LSMEM2: variants seen among roughly 807,000 people sequenced by gnomAD.
The protein encoded by LSMEM2 is leucine rich single-pass membrane protein 2, also known as leucine-rich single-pass membrane protein 2.
Under a neutral mutation model 17.3 loss-of-function variants are expected in LSMEM2, and 20 were observed. That is an observed-to-expected ratio of 1.16 (90% CI 0.81 to 1.68). The LOEUF is 1.68. Among genes scored for constraint, LSMEM2 ranks in the 40% most tolerant of loss-of-function variants. The pLI, the probability that LSMEM2 is intolerant of heterozygous loss-of-function variation, is 0.00. For missense variants in LSMEM2, 207 were observed against 214.3 expected, an observed-to-expected ratio of 0.97 and a Z score of 0.21; for synonymous variants, 94 against 97.8, an observed-to-expected ratio of 0.96 and a Z score of 0.23.
At chr3:50,281,058 A>T (rs996047510) in intron 1 of LSMEM2, among the ~76,000 whole-genome samples, 8 of 142,336 alleles carry the variant, frequency 5.6e-5, no homozygotes, top group South Asian at 2.2e-4. Context: ...AAAGAGGGAA[A>T]TTTTTTTTTT....
upstream of LSMEM2, among the ~76,000 whole-genome samples, chr3:50,278,565 ATG>A (rs200922483): frequency 0.1 from 15,893 of 152,206 alleles, 905 homozygotes; most frequent in African/African-American, 0.12. Flanking sequence ...ACTGGCCAGC[ATG>A]GGTGCTGTTG....
Position 50,287,449 on chromosome 3 carries a change from A to AGCCTCCTGGC in LSMEM2, c.*248_*257dup, listed in dbSNP as rs1553708792. 1.8e-6 allele frequency: 1 copy of AGCCTCCTGGC among 562,524 alleles called. No individual in the cohort carries two copies. The allele number at this position is 562,524 out of a possible 1,614,324, so 34.8% of individuals were successfully genotyped here. A position where few individuals can be genotyped will look rare whatever the true frequency, so the allele number is the denominator to read the frequency against. Reference sequence around the variant, plus strand: ...GCCCAAGGTCAGGGGAAGGGGCACCAGCCTCCTGGCTCCTCCTGTGGCCTG... The same window carrying AGCCTCCTGGC: ...GCCCAAGGTCAGGGGAAGGGGCACCAGCCTCCTGGCGCCTCCTGGCTCCTCCTGTGGCCTG... On this transcript the variant is annotated 3_prime_UTR_variant, in exon 4 of 4. Coordinates refer to ENST00000316436, the MANE Select transcript of LSMEM2 (RefSeq NM_153215.3).
intron 1 of LSMEM2, among the ~76,000 whole-genome samples, chr3:50,283,202 G>A (rs1234762482): frequency 3.3e-5 from 5 of 149,426 alleles, no homozygotes; most frequent in African/African-American, 7.4e-5. Context: ...ACAAACAAAC[G>A]AAACACCGGC....
Position 50,287,445 on chromosome 3 carries a change from CA to C in LSMEM2, c.*244del, listed in dbSNP as rs1575488929. On this transcript the variant is annotated 3_prime_UTR_variant, in exon 4 of 4. Coordinates refer to ENST00000316436, the MANE Select transcript of LSMEM2 (RefSeq NM_153215.3). ...GGTGGCCCAAGGTCAGGGGAAGGGG[CA>C]CCAGCCTCCTGGCTCCTCCTGTGGC... 7 of 568,040 alleles carry C rather than the reference CA, an allele frequency of 1.2e-5. No individual in the cohort carries two copies. The East Asian group carries it at 2.2e-4, about 17-fold the overall frequency. 35.2% of individuals were successfully genotyped at this position (568,040 alleles called of 1,614,324 possible).
intron 1 of LSMEM2, among the ~76,000 whole-genome samples, chr3:50,285,156 A>AC (rs1225070630): frequency 6.6e-6 from 1 of 151,654 alleles, no homozygotes. Flanking sequence ...AGATGGTGAA[A>AC]CCCCATCTCC....
At chr3:50,286,942 G>GTAAC (rs1193961424) in intron 3 of LSMEM2, 80 bp downstream of exon 3, 18 of 1,584,924 alleles carry the variant, frequency 1.1e-5, no homozygotes, top group Non-Finnish European at 1.5e-5. Context: ...GCTGGAAGGA[G>GTAAC]TAACTGCAGA....
intron 1 of LSMEM2, among the ~76,000 whole-genome samples, chr3:50,283,298 C>T (rs1701440513): frequency 2.6e-5 from 4 of 151,976 alleles, no homozygotes; most frequent in Non-Finnish European, 5.9e-5. Context: ...TCAAGACCAG[C>T]CTGGCCAAGA....
intron 1 of LSMEM2, among the ~76,000 whole-genome samples, chr3:50,284,545 C>T (rs1315380970): frequency 1.3e-5 from 2 of 151,920 alleles, no homozygotes; most frequent in African/African-American, 4.8e-5. Flanking sequence ...GCCTGGGCAA[C>T]ATAGTAAAAC....
At chr3:50,282,581 G>C (rs782264751) in intron 1 of LSMEM2, among the ~76,000 whole-genome samples, 1 of 152,126 alleles carries the variant, frequency 6.6e-6, no homozygotes, top group Non-Finnish European at 1.5e-5. Context: ...AGAACAACTA[G>C]AAGAAAATAT....
At chr3:50,283,463 T>TA (rs1212000971) in intron 1 of LSMEM2, among the ~76,000 whole-genome samples, 2 of 151,286 alleles carry the variant, frequency 1.3e-5, no homozygotes, top group Non-Finnish European at 2.9e-5. Context: ...CCATCTCTAC[T>TA]AAAAATACAA....
upstream of LSMEM2, among the ~76,000 whole-genome samples, chr3:50,278,830 G>C (rs1701329719): frequency 6.6e-6 from 1 of 152,176 alleles, no homozygotes; most frequent in Admixed American, 6.5e-5. Flanking sequence ...TGCTGAGCCT[G>C]GAGTGGCCAT....
chr3:50,281,357 G>A (rs1701391456), intron 1 of LSMEM2, among the ~76,000 whole-genome samples: 1 of 139,956 alleles, frequency 7.1e-6, no homozygotes, highest in Non-Finnish European at 1.5e-5. Context: ...ACTGCGCCCG[G>A]CCCTTTTTTT....
chr3:50,281,331 A>G (rs1236309876), intron 1 of LSMEM2, among the ~76,000 whole-genome samples: 92 of 140,932 alleles, frequency 6.5e-4, no homozygotes, highest in Non-Finnish European at 8.2e-4. Context: ...AAGTGCTGGG[A>G]TTACAGGCAT....
intron 1 of LSMEM2, among the ~76,000 whole-genome samples, chr3:50,280,628 C>T (rs1159346429): frequency 2.7e-5 from 4 of 145,818 alleles, no homozygotes; most frequent in Non-Finnish European, 4.5e-5. Flanking sequence ...GAGTCTCGCT[C>T]TGTCGCCCAG....
chr3:50,286,525 A>G lies in LSMEM2; in HGVS notation c.113A>G (p.Asn38Ser). The G allele has an allele frequency of 6.2e-7, 1 of 1,612,110 alleles. No homozygotes were observed. The highest frequency in any genetic ancestry group is 1.7e-5 in the Admixed American group (1 of 59,750). The change falls in exon 2 of 4, where the codon AAC (asparagine) becomes AGC (serine). Residue 38 changes from asparagine (N) to serine (S), a missense_variant. Transcript: ENST00000316436. ...AGGAGCAGGGGGCCATTGGCCCCCAACCACGTGCATGAGGTATGCCTGCAC... is the reference window on the plus strand; with the variant it reads ...AGGAGCAGGGGGCCATTGGCCCCCAGCCACGTGCATGAGGTATGCCTGCAC... ...SQRSRGPLAP[N>S]HVHEVCLHQV...
At position 50,287,560 on chromosome 3, in the gene LSMEM2, C is replaced by T. The variant is rs1208137814; in HGVS notation, c.*358C>T. 2.0e-5 allele frequency: 6 copies of T among 303,488 alleles called. No homozygotes were observed. In the South Asian group the frequency reaches 2.3e-4, roughly 12 times the overall value. 18.8% of individuals were successfully genotyped at this position (303,488 alleles called of 1,614,324 possible). The stretch of plus-strand genomic sequence containing the variant: ...AGCAATCACCCAAACTCTGCCAGGG[C>T]TCCCAGTGAGGGTCCAGCCTCAGCT... On this transcript the variant is annotated 3_prime_UTR_variant, in exon 4 of 4. Transcript: ENST00000316436.
chr3:50,286,427 G>T lies in LSMEM2; in HGVS notation c.59-44G>T, dbSNP rs587741182. 4.5e-6 allele frequency: 7 copies of T among 1,545,660 alleles called. No homozygotes were observed. In the East Asian group the frequency reaches 1.2e-4, roughly 26 times the overall value. ...TGAAGCCACCTGGTAGAAGGAAGGG[G>T]GTTGACCCACCACTGGCTAAATCAG... is the stretch of plus-strand genomic sequence containing the variant. On this transcript the variant is annotated intron_variant, in intron 1 of 3. Transcript: ENST00000316436.
chr3:50,282,760 C>T (rs1701429869), intron 1 of LSMEM2, among the ~76,000 whole-genome samples: 1 of 152,118 alleles, frequency 6.6e-6, no homozygotes, highest in South Asian at 2.1e-4. Flanking sequence ...TGGCACGTGC[C>T]TGTAATCCCA....
rs1575487741 is a variant in LSMEM2 at position 50,286,793 on chromosome 3, T to G, written c.292T>G (p.Phe98Val). ...GCSPVYRRGGFLLLLALLVLT... is the reference protein window; with the variant it reads ...GCSPVYRRGGVLLLLALLVLT... ...CAGCCCTGTGTACAGACGAGGAGGG[T>G]TCCTGCTGCTGCTCGCGCTGCTGGT... Residue 98 changes from phenylalanine to valine, a missense_variant, in exon 3 of 4, where the codon TTC becomes GTC. Phe to Val is a conservative substitution (Grantham distance 50). Coordinates refer to ENST00000316436, the MANE Select transcript of LSMEM2 (RefSeq NM_153215.3). 3 of 1,614,034 alleles carry G rather than the reference T, an allele frequency of 1.9e-6. No individual in the cohort carries two copies. The highest frequency in any genetic ancestry group is 2.5e-6 in the Non-Finnish European group (3 of 1,180,008).
Sources: allele counts gnomAD v4.1 joint callset (sites outside exome capture counted in the v4.1 genomes callset), GRCh38; gene constraint gnomAD v4.1.1; transcripts MANE v1.5; gene names NCBI Gene and HGNC (gene_info 2026-07-23, HGNC 2026-07-21).